CMTM4: variants seen among roughly 807,000 people sequenced by gnomAD.
CMTM4 encodes CKLF-like MARVEL transmembrane domain-containing protein 4.
A neutral mutation model predicts 19.0 loss-of-function variants in CMTM4; 8 were observed. The ratio of observed to expected loss-of-function variants is 0.42; its 90% CI spans 0.25 to 0.76. The LOEUF (loss-of-function observed/expected upper bound fraction) is 0.76. CMTM4 is among the 30% of genes least tolerant of loss of function. The pLI is 0.27. For missense variants in CMTM4, 228 were observed against 290.2 expected, an observed-to-expected ratio of 0.79 and a Z score of 1.56; for synonymous variants, 106 against 121.1, an observed-to-expected ratio of 0.88 and a Z score of 0.82.
At position 66,617,976 on chromosome 16, in the gene CMTM4, T is replaced by G; in HGVS notation, c.*4082A>C. The G allele has an allele frequency of 9.1e-6, 9 of 985,826 alleles. No individual in the cohort carries two copies. The highest frequency in any genetic ancestry group is 1.1e-5 in the Non-Finnish European group (9 of 830,226). 61.1% of individuals were successfully genotyped at this position (985,826 alleles called of 1,614,324 possible). On this transcript the variant is annotated 3_prime_UTR_variant, in exon 4 of 4. Transcript: ENST00000394106. ...GACAGCCTGAGCTGTCTAGTGCTGA[T>G]AGCAGACAGGTGGGGTGTTCCAGGC...
At chr16:66,671,499 A>C (rs1279094996) in intron 1 of CMTM4, among the ~76,000 whole-genome samples, 1 of 152,226 alleles carries the variant, frequency 6.6e-6, no homozygotes, top group Non-Finnish European at 1.5e-5. Flanking sequence ...GGAAAACATC[A>C]GCGGGCTCAC....
rs147056679 is a variant in CMTM4, at chr16:66,643,301, G to T, written c.187-6720C>A. Among the ~76,000 whole-genome samples, 289 of 152,278 alleles carry T rather than the reference G, an allele frequency of 1.9e-3. 1 individual carries two copies. Among genetic ancestry groups the T allele is most frequent in the African/African-American group, 6.5e-3 (272 of 41,556 alleles). On this transcript the variant is annotated intron_variant, in intron 1 of 3. Transcript: ENST00000394106. The stretch of plus-strand genomic sequence containing the variant: ...ATTTGGGTTTAGCTGCCGGTTCCAC[G>T]TGTGGTTAAGCTACCGTAGCACTCC...
rs750870059 is a variant in CMTM4 at position 66,617,369 on chromosome 16, A to G, written c.*4689T>C. ...GTGGAGTAGGAAAAACTAGAAAGGA[A>G]AAAAAAATCCCAAAGGTTGAAAAAC... On this transcript the variant is annotated 3_prime_UTR_variant, in exon 4 of 4. Coordinates refer to ENST00000394106, the MANE Select transcript of CMTM4 (RefSeq NM_181521.3). 2 of 1,612,064 alleles carry G rather than the reference A, an allele frequency of 1.2e-6. No homozygotes were observed. Among genetic ancestry groups the G allele is most frequent in the Non-Finnish European group, 1.7e-6 (2 of 1,179,298 alleles).
chr16:66,646,517 T>C (rs1596928196), intron 1 of CMTM4, among the ~76,000 whole-genome samples: 2 of 152,172 alleles, frequency 1.3e-5, no homozygotes, highest in Non-Finnish European at 2.9e-5. Context: ...ATGGTAGAAA[T>C]GTGGATAGGT....
At chr16:66,649,722 C>G (rs905989317) in intron 1 of CMTM4, among the ~76,000 whole-genome samples, 1 of 152,142 alleles carries the variant, frequency 6.6e-6, no homozygotes, top group Non-Finnish European at 1.5e-5. Flanking sequence ...GAGTCAGGTC[C>G]AGAGCCCGAC....
chr16:66,694,212 G>T (rs1290961624), intron 1 of CMTM4, among the ~76,000 whole-genome samples: 1 of 152,152 alleles, frequency 6.6e-6, no homozygotes, highest in Admixed American at 6.5e-5. Context: ...TCCTAGCAAT[G>T]CAGTAATAAC....
chr16:66,647,900 G>A (rs1298621810), intron 1 of CMTM4, among the ~76,000 whole-genome samples: 1 of 152,148 alleles, frequency 6.6e-6, no homozygotes, highest in Non-Finnish European at 1.5e-5. Context: ...TTTGATAAAA[G>A]TGGTATTTTT....
rs2015556358 is a variant in CMTM4 at position 66,617,953 on chromosome 16, C to T, written c.*4105G>A. 2.0e-6 allele frequency: 2 copies of T among 986,862 alleles called. No individual in the cohort carries two copies. 61.1% of individuals were successfully genotyped at this position (986,862 alleles called of 1,614,324 possible). A position where few individuals can be genotyped will look rare whatever the true frequency, so the allele number is the denominator to read the frequency against. On this transcript the variant is annotated 3_prime_UTR_variant, in exon 4 of 4. Transcript: ENST00000394106. ...GTTAACAAAGTACACGTTTCCAAGA[C>T]AGCCTGAGCTGTCTAGTGCTGATAG...
At chr16:66,600,136 G>GTGGTTTTTTTTTTTTTTT in the CMTM4 span, among the ~76,000 whole-genome samples, 2 of 135,154 alleles carry the variant, frequency 1.5e-5, no homozygotes, top group Non-Finnish European at 1.5e-5. Flanking sequence ...GTGTGTGTGT[G>GTGGTTTTTTTTTTTTTTT]TTTTTTTTTG....
chr16:66,633,498 A>T (rs1172238348), intron 2 of CMTM4, among the ~76,000 whole-genome samples: 1 of 152,090 alleles, frequency 6.6e-6, no homozygotes, highest in Admixed American at 6.6e-5. Flanking sequence ...CCTCTCAGAG[A>T]ACACTGGACA....
intron 1 of CMTM4, among the ~76,000 whole-genome samples, chr16:66,660,843 C>T (rs1414349560): frequency 6.6e-6 from 1 of 152,188 alleles, no homozygotes; most frequent in African/African-American, 2.4e-5. Context: ...GCTGCCCTGT[C>T]CCCATAGTCA....
At position 66,620,177 on chromosome 16, in the gene CMTM4, C is replaced by G. The variant is rs1394910117; in HGVS notation, c.*1881G>C. On this transcript the variant is annotated 3_prime_UTR_variant, in exon 4 of 4. Coordinates refer to ENST00000394106, the MANE Select transcript of CMTM4 (RefSeq NM_181521.3). Reference sequence around the variant, plus strand: ...GCTCAGGATGGTCCTTCCAAGTGGGCCCCATTTAATGCAAGGCTGAGCCTT... The same window carrying G: ...GCTCAGGATGGTCCTTCCAAGTGGGGCCCATTTAATGCAAGGCTGAGCCTT... 1 of 985,458 alleles carries G rather than the reference C, an allele frequency of 1.0e-6. No homozygotes were observed. Among genetic ancestry groups the G allele is most frequent in the African/African-American group, 1.7e-5 (1 of 57,370 alleles). The allele number at this position is 985,458 out of a possible 1,614,324, so 61.0% of individuals were successfully genotyped here.
chr16:66,686,546 CAAA>C (rs35913878), intron 1 of CMTM4, among the ~76,000 whole-genome samples: 1 of 87,180 alleles, frequency 1.1e-5, no homozygotes, highest in Non-Finnish European at 2.2e-5. Context: ...GACTCTGTCT[CAAA>C]AAAAAAAAAA....
intron 2 of CMTM4, among the ~76,000 whole-genome samples, chr16:66,626,776 AAAAAAAAAG>A (rs1249525315): frequency 1.3e-5 from 2 of 151,902 alleles, no homozygotes; most frequent in Non-Finnish European, 2.9e-5. Context: ...TCTCAAAGAA[AAAAAAAAAG>A]AAAAAAAAGG....
chr16:66,626,726 C>T (rs551365566), intron 2 of CMTM4, among the ~76,000 whole-genome samples: 18 of 151,156 alleles, frequency 1.2e-4, no homozygotes, highest in Admixed American at 6.6e-5. Context: ...GCCCAGATTG[C>T]GCCACTGCAC....
chr16:66,692,194 G>A (rs959405422), intron 1 of CMTM4, among the ~76,000 whole-genome samples: 3 of 152,034 alleles, frequency 2.0e-5, no homozygotes, highest in Non-Finnish European at 2.9e-5. Context: ...AGGTTCAAGC[G>A]CTTCTCCTGC....
chr16:66,650,976 C>T (rs355963), intron 1 of CMTM4, among the ~76,000 whole-genome samples: 7,433 of 152,218 alleles, frequency 0.049, 296 homozygotes, highest in East Asian at 0.11. Context: ...AACTCCAGCA[C>T]ATTCGAAATT....
At chr16:66,693,247 C>T (rs955196026) in intron 1 of CMTM4, among the ~76,000 whole-genome samples, 1 of 152,030 alleles carries the variant, frequency 6.6e-6, no homozygotes, top group South Asian at 2.1e-4. Context: ...AACATACACA[C>T]CACTAAATTT....
intron 1 of CMTM4, among the ~76,000 whole-genome samples, chr16:66,665,884 C>A (rs546912447): frequency 6.6e-6 from 1 of 151,816 alleles, no homozygotes; most frequent in Admixed American, 6.6e-5. Context: ...GCCTGGCCAA[C>A]ATGGCAAAAA....
Sources: gnomAD v4.1 joint callset for allele counts (sites outside exome capture counted in the v4.1 genomes callset) on GRCh38, gnomAD v4.1.1 for gene constraint, MANE v1.5 for transcripts, NCBI Gene and HGNC (gene_info 2026-07-23, HGNC 2026-07-21) for gene names.